CD276: variants seen among roughly 807,000 people sequenced by gnomAD.
CD276 encodes the protein CD276 antigen.
Under a neutral mutation model 50.0 loss-of-function variants are expected in CD276, and 34 were observed. The ratio of observed to expected loss-of-function variants is 0.68; its 90% confidence interval spans 0.52 to 0.91. The LOEUF (loss-of-function observed/expected upper bound fraction) is 0.91. Ranked by LOEUF, CD276 falls within the 40% of genes least tolerant of loss-of-function variation. The pLI is 0.00. For missense variants in CD276, 634 were observed against 717.5 expected (o/e 0.88, Z 1.33); for synonymous variants, 275 against 313.0 (o/e 0.88, Z 1.28).
rs1223734494 is a variant in CD276 at position 73,702,956 on chromosome 15, G to T, written c.603G>T (p.Leu201Phe). 2.5e-6 allele frequency: 4 copies of T among 1,614,088 alleles called. No individual in the cohort carries two copies. The highest frequency in any genetic ancestry group is 1.6e-4 in the Middle Eastern group (1 of 6,080). ...CGCAGATGGCCAACGAGCAGGGCTT[G>T]TTTGATGTGCACAGCATCCTGCGGG... ...TTSQMANEQGLFDVHSILRVV... is the reference protein window; with the variant it reads ...TTSQMANEQGFFDVHSILRVV... Residue 201 changes from leucine to phenylalanine, a missense_variant, in exon 4 of 10, where the codon TTG (leucine) becomes TTT (phenylalanine). Leu to Phe is a conservative substitution (Grantham distance 22). Coordinates refer to ENST00000318443, the MANE Select transcript of CD276 (RefSeq NM_001024736.2).
At chr15:73,697,346 T>TG (rs1900216768) in intron 1 of CD276, among the ~76,000 whole-genome samples, 2 of 117,228 alleles carry the variant, frequency 1.7e-5, no homozygotes, top group African/African-American at 3.3e-5. Flanking sequence ...GCCCAGCTGC[T>TG]GGGGGTGTGT....
At chr15:73,711,881 A>G (rs1482842807) in intron 9 of CD276, 1 of 152,420 alleles carries the variant, frequency 6.6e-6, no homozygotes, top group Non-Finnish European at 1.5e-5. Context: ...TAGGCCAGGC[A>G]TGGTACTTCA....
intron 1 of CD276, chr15:73,686,388 A>T: frequency 1.5e-6 from 1 of 667,556 alleles, no homozygotes; most frequent in Non-Finnish European, 1.9e-6. Flanking sequence ...TCCCCTCTTC[A>T]GCTCTGTCCA....
At chr15:73,702,069 T>C (rs1453838323) in intron 2 of CD276, among the ~76,000 whole-genome samples, 186 bp from the exon 3 acceptor site, 1 of 152,250 alleles carries the variant, frequency 6.6e-6, no homozygotes, top group East Asian at 1.9e-4. Context: ...ACTTTTATGC[T>C]TGGCACCTGT....
At position 73,714,022 on chromosome 15, in the gene CD276, G is replaced by A. The variant is rs1040477670; in HGVS notation, c.*1066G>A. The A allele has an allele frequency of 1.7e-5, 5 of 299,470 alleles. No homozygotes were observed. Among genetic ancestry groups the A allele is most frequent in the Non-Finnish European group, 3.1e-5 (5 of 160,270 alleles). The allele number at this position is 299,470 out of a possible 1,614,324, so 18.6% of individuals were successfully genotyped here. On this transcript the variant is annotated 3_prime_UTR_variant, in exon 10 of 10. Transcript: ENST00000318443. ...TGGCTCCCTGCTCCACACCTCCTCT[G>A]TGGCTCAAGGCTTCCTGGATACCTC...
In CD276 at chr15:73,714,030, A is replaced by G. The variant is rs1901024448; in HGVS notation, c.*1074A>G. 1.0e-5 allele frequency: 3 copies of G among 298,088 alleles called. No homozygotes were observed. The highest frequency in any genetic ancestry group is 5.5e-5 in the South Asian group (2 of 36,264). The allele number at this position is 298,088 out of a possible 1,614,324, so 18.5% of individuals were successfully genotyped here. A position where few individuals can be genotyped will look rare whatever the true frequency, so the allele number is the denominator to read the frequency against. ...TGCTCCACACCTCCTCTGTGGCTCA[A>G]GGCTTCCTGGATACCTCACCCCCAT... On this transcript the variant is annotated 3_prime_UTR_variant, in exon 10 of 10. Coordinates refer to ENST00000318443, the MANE Select transcript of CD276 (RefSeq NM_001024736.2).
At chr15:73,708,888 C>T (rs1900764894) in intron 7 of CD276, among the ~76,000 whole-genome samples, 1 of 152,180 alleles carries the variant, frequency 6.6e-6, no homozygotes, top group African/African-American at 2.4e-5. Context: ...ATCGTGCCTG[C>T]CTTGGAGTGA....
rs1305240291 is a variant in CD276 at position 73,708,513 on chromosome 15, T to C, written c.1504+40T>C. ...ATGTGTGTGCGTGCGCATGCACACTTATGTGTCTTGGGGTATGTTGCTGTC... is the reference window on the plus strand; with the variant it reads ...ATGTGTGTGCGTGCGCATGCACACTCATGTGTCTTGGGGTATGTTGCTGTC... On this transcript the variant is annotated intron_variant, in intron 7 of 9. Transcript: ENST00000318443. 6.9e-6 allele frequency: 11 copies of C among 1,585,482 alleles called. No individual in the cohort carries two copies. The South Asian group carries it at 1.3e-4, about 18-fold the overall frequency.
chr15:73,701,079 A>G (rs1255423488), intron 2 of CD276, among the ~76,000 whole-genome samples: 2 of 150,994 alleles, frequency 1.3e-5, no homozygotes, highest in East Asian at 3.9e-4. Flanking sequence ...ATTTTTTAGT[A>G]GAGGTGGGGT....
chr15:73,699,026 C>CA (rs780316359), intron 1 of CD276, among the ~76,000 whole-genome samples: 2 of 152,230 alleles, frequency 1.3e-5, no homozygotes, highest in Non-Finnish European at 2.9e-5. Context: ...ACTGGTCTCT[C>CA]AAAGCCCTGC....
chr15:73,698,296 C>T (rs56341782), intron 1 of CD276, among the ~76,000 whole-genome samples: 4,592 of 152,288 alleles, frequency 0.03, 98 homozygotes, highest in East Asian at 0.058. Context: ...TACACCTAGT[C>T]GCCTCCTAAA....
chr15:73,705,727 G>A (rs1368971848), intron 6 of CD276, among the ~76,000 whole-genome samples: 2 of 152,264 alleles, frequency 1.3e-5, no homozygotes. Context: ...GAAGCTTTCA[G>A]AGGAGGGAGG....
intron 1 of CD276, among the ~76,000 whole-genome samples, chr15:73,691,626 A>G (rs1275598142): frequency 2.0e-5 from 3 of 152,192 alleles, no homozygotes; most frequent in African/African-American, 7.2e-5. Flanking sequence ...CCAGTACAGC[A>G]TGGACTGGGC....
chr15:73,703,724 C>A lies in CD276; in HGVS notation c.799C>A (p.Arg267Ser). 6.2e-7 allele frequency: 1 copy of A among 1,613,294 alleles called. No individual in the cohort carries two copies. Among genetic ancestry groups the A allele is most frequent in the East Asian group, 2.2e-5 (1 of 44,846 alleles). ...CCTAGTGGGCACCGATGCCACCCTG[C>A]GCTGCTCCTTCTCCCCCGAGCCTGG... is the stretch of plus-strand genomic sequence containing the variant. Reference protein sequence around the residue: ...VALVGTDATLRCSFSPEPGFS... With the variant: ...VALVGTDATLSCSFSPEPGFS... The change falls in exon 5 of 10, where the codon CGC becomes AGC. Residue 267 changes from arginine (R) to serine (S), a missense_variant. Coordinates refer to ENST00000318443, the MANE Select transcript of CD276 (RefSeq NM_001024736.2).
At chr15:73,711,087 A>G (rs1900880139) in intron 8 of CD276, 48 bp from the exon 9 acceptor site, 1 of 1,608,402 alleles carries the variant, frequency 6.2e-7, no homozygotes, top group African/African-American at 1.3e-5. Context: ...CTACCCCACC[A>G]CTTCCCATGG....
chr15:73,696,478 T>TG (rs1240054034), intron 1 of CD276, among the ~76,000 whole-genome samples: 1 of 152,058 alleles, frequency 6.6e-6, no homozygotes, highest in Non-Finnish European at 1.5e-5. Flanking sequence ...TGGACTCTTC[T>TG]GGTCTCTTTG....
intron 4 of CD276, 149 bp downstream of exon 4, chr15:73,703,235 T>A: frequency 9.8e-7 from 1 of 1,023,172 alleles, no homozygotes; most frequent in Non-Finnish European, 1.4e-6. Flanking sequence ...GAGGTGGGGA[T>A]GTTCACTGGA....
chr15:73,688,695 A>T (rs572656634), intron 1 of CD276, among the ~76,000 whole-genome samples: 2 of 152,298 alleles, frequency 1.3e-5, no homozygotes, highest in Non-Finnish European at 2.9e-5. Context: ...CATCTGTACA[A>T]TGGGCCTGGA....
chr15:73,691,653 G>A (rs904386666), intron 1 of CD276, among the ~76,000 whole-genome samples: 2 of 152,184 alleles, frequency 1.3e-5, no homozygotes, highest in African/African-American at 4.8e-5. Context: ...CAGGAGTGCG[G>A]AGCCTTGCTA....
Sources: allele counts gnomAD v4.1 joint callset (sites outside exome capture counted in the v4.1 genomes callset), GRCh38; gene constraint gnomAD v4.1.1; transcripts MANE v1.5; gene names NCBI Gene and HGNC (gene_info 2026-07-23, HGNC 2026-07-21).